Variants in GRID2 observed in about 807,000 individuals in gnomAD.
The protein encoded by GRID2 is glutamate receptor ionotropic, delta-2.
A neutral mutation model predicts 114.8 loss-of-function variants in GRID2; 33 were observed. That is an observed-to-expected ratio of 0.29 (90% CI 0.22 to 0.38). The LOEUF is 0.38. Among genes scored for constraint, GRID2 ranks in the 10% least tolerant of loss-of-function variants. The probability of loss-of-function intolerance (pLI) is 1.00; values close to 1 mark genes in which losing one functional copy is unlikely to be tolerated. For synonymous variants in GRID2, 505 were observed against 449.9 expected (o/e 1.12, Z -1.55); for missense variants, 1,184 against 1,257.7 (o/e 0.94, Z 0.89).
intron 4 of GRID2, among the ~76,000 whole-genome samples, chr4:93,137,520 C>T (rs959714460): frequency 5.3e-5 from 8 of 152,000 alleles, no homozygotes; most frequent in Admixed American, 4.6e-4. Context: ...CAAGCAATGT[C>T]ATATCTATTT....
At chr4:93,762,832 G>A (rs1733326426) in intron 14 of GRID2, among the ~76,000 whole-genome samples, 1 of 152,042 alleles carries the variant, frequency 6.6e-6, no homozygotes, top group Non-Finnish European at 1.5e-5. Flanking sequence ...CGGGGTTAGA[G>A]CATATGGACC....
chr4:93,177,199 G>A (rs1739426553), intron 4 of GRID2, among the ~76,000 whole-genome samples: 1 of 152,034 alleles, frequency 6.6e-6, no homozygotes, highest in Non-Finnish European at 1.5e-5. Flanking sequence ...CTTCTATTCT[G>A]TGGCAAAGTG....
rs903233218 is a variant in GRID2, at chr4:92,482,033, T to A, written c.89-108098T>A. ...ATATATATATATATATATATATATATAAAATAACAATACAAGCTTATAGCT... is the reference window on the plus strand; with the variant it reads ...ATATATATATATATATATATATATAAAAAATAACAATACAAGCTTATAGCT... On this transcript the variant is annotated intron_variant, in intron 1 of 15. Transcript: ENST00000282020. Among the ~76,000 whole-genome samples, 275 of 55,830 alleles carry A rather than the reference T, an allele frequency of 4.9e-3. 2 individuals are homozygous for A. Among genetic ancestry groups the A allele is most frequent in the South Asian group, 0.01 (18 of 1,734 alleles). The allele number at this position is 55,830 out of a possible 152,430, so 36.6% of individuals were successfully genotyped here.
intron 2 of GRID2, among the ~76,000 whole-genome samples, chr4:92,924,867 T>C (rs565919015): frequency 6.6e-6 from 1 of 152,164 alleles, no homozygotes; most frequent in South Asian, 2.1e-4. Flanking sequence ...TTGTTGTAGC[T>C]TCATCATATT....
intron 2 of GRID2, among the ~76,000 whole-genome samples, chr4:92,960,986 C>T (rs1752758461): frequency 6.6e-6 from 1 of 151,864 alleles, no homozygotes; most frequent in African/African-American, 2.4e-5. Flanking sequence ...TAATCCAAGT[C>T]CACCTTCAAG....
Position 93,134,889 on chromosome 4 carries a change from T to C in GRID2, c.735+23936T>C, listed in dbSNP as rs1004754118. Among the ~76,000 whole-genome samples the C allele has an allele frequency of 3.4e-4, 52 of 152,092 alleles. 1 individual carries two copies. Among genetic ancestry groups the C allele is most frequent in the African/African-American group, 1.2e-3 (51 of 41,438 alleles). On this transcript the variant is annotated intron_variant, in intron 4 of 15. Coordinates refer to ENST00000282020, the MANE Select transcript of GRID2 (RefSeq NM_001510.4). ...AAATGTATGCCTCGTTGCCCCTCGC[T>C]GTTTGGCGTATTGAAACTTGCCTAT...
At chr4:92,477,192 C>A (rs1428257749) in intron 1 of GRID2, among the ~76,000 whole-genome samples, 1 of 151,808 alleles carries the variant, frequency 6.6e-6, no homozygotes, top group Non-Finnish European at 1.5e-5. Flanking sequence ...CACTTGAAAA[C>A]TCTAGCACAA....
At chr4:93,243,816 G>A (rs6815757) in intron 8 of GRID2, among the ~76,000 whole-genome samples, 87,033 of 151,738 alleles carry the variant, frequency 0.57, 25,504 homozygotes, top group Middle Eastern at 0.73. Context: ...TACTTATTTA[G>A]CAGATGGTAT....
intron 2 of GRID2, among the ~76,000 whole-genome samples, chr4:93,081,559 A>G (rs913362948): frequency 3.9e-5 from 6 of 152,166 alleles, no homozygotes; most frequent in African/African-American, 1.2e-4. Flanking sequence ...GCAGGCTCCA[A>G]ACATCTTTGG....
chr4:93,449,042 A>C (rs959999120), intron 10 of GRID2, among the ~76,000 whole-genome samples: 1 of 134,162 alleles, frequency 7.5e-6, no homozygotes, highest in Non-Finnish European at 1.6e-5. Flanking sequence ...TTCCTTTAGC[A>C]TTTCTTCAAT....
At position 93,327,155 on chromosome 4, in the gene GRID2, T is replaced by C. The variant is rs939203234; in HGVS notation, c.1246-68452T>C. ...CTTATTCAGTATGGTTTTTTAAATG[T>C]CATCTTTATATGCTGGTGACTTCCA... On this transcript the variant is annotated intron_variant, in intron 8 of 15. Coordinates refer to ENST00000282020, the MANE Select transcript of GRID2 (RefSeq NM_001510.4). Among the ~76,000 whole-genome samples the C allele has an allele frequency of 7.2e-5, 11 of 152,162 alleles. 1 individual carries two copies. Among genetic ancestry groups the C allele is most frequent in the African/African-American group, 2.7e-4 (11 of 41,458 alleles).
Position 92,321,673 on chromosome 4 carries a change from G to A in GRID2, c.88+16929G>A, listed in dbSNP as rs570282690. The stretch of plus-strand genomic sequence containing the variant: ...AGCATCTTTTTCTTGCTCCCAGGCA[G>A]TCTAATGAATATCAAGGTAGATTAA... On this transcript the variant is annotated intron_variant, in intron 1 of 15. Transcript: ENST00000282020. Among the ~76,000 whole-genome samples, 16 of 152,250 alleles carry A rather than the reference G, an allele frequency of 1.1e-4. 1 individual carries two copies. The South Asian group carries it at 3.3e-3, about 32-fold the overall frequency.
chr4:93,736,809 T>G (rs943091438), intron 14 of GRID2, among the ~76,000 whole-genome samples: 4 of 41,580 alleles, frequency 9.6e-5, no homozygotes, highest in Admixed American at 5.3e-4. Flanking sequence ...ATGGCTCCAA[T>G]TTTTTTTTGT....
Position 93,225,015 on chromosome 4 carries a change from C to G in GRID2, c.1125+240C>G, listed in dbSNP as rs145078315. Among the ~76,000 whole-genome samples, 1,315 of 152,024 alleles carry G rather than the reference C, an allele frequency of 8.6e-3. 19 individuals carry two copies. The highest frequency in any genetic ancestry group is 0.03 in the African/African-American group (1,256 of 41,476). On this transcript the variant is annotated intron_variant, in intron 7 of 15. Coordinates refer to ENST00000282020, the MANE Select transcript of GRID2 (RefSeq NM_001510.4). Reference sequence around the variant, plus strand: ...AAAAAAATTGTGGTTGAGATATACCCACTTGACTATGTCATTAGCATTAGA... The same window carrying G: ...AAAAAAATTGTGGTTGAGATATACCGACTTGACTATGTCATTAGCATTAGA...
chr4:93,787,826 C>A (rs957515521), intron 1 of GRID2, among the ~76,000 whole-genome samples: 2 of 152,054 alleles, frequency 1.3e-5, no homozygotes, highest in African/African-American at 4.8e-5. Flanking sequence ...CATGTATTTA[C>A]TAATTACTGG....
chr4:92,484,451 A>G (rs955786335), intron 1 of GRID2, among the ~76,000 whole-genome samples: 1 of 152,176 alleles, frequency 6.6e-6, no homozygotes, highest in Non-Finnish European at 1.5e-5. Context: ...GGAATTGTGA[A>G]TATTAATTAA....
At chr4:93,047,532 T>A (rs1234187663) in intron 2 of GRID2, among the ~76,000 whole-genome samples, 1 of 152,098 alleles carries the variant, frequency 6.6e-6, no homozygotes, top group Non-Finnish European at 1.5e-5. Flanking sequence ...CATCCTTTTT[T>A]TTTACTGTAT....
At chr4:92,595,971 C>G (rs543905162) in intron 2 of GRID2, among the ~76,000 whole-genome samples, 181 of 151,982 alleles carry the variant, frequency 1.2e-3, no homozygotes, top group African/African-American at 4.2e-3. Context: ...ATTTATTTGC[C>G]CACTGCTTTA....
chr4:93,755,096 A>C (rs910938595), intron 14 of GRID2, among the ~76,000 whole-genome samples: 1 of 152,220 alleles, frequency 6.6e-6, no homozygotes, highest in Non-Finnish European at 1.5e-5. Flanking sequence ...TGGTGCAAGT[A>C]ACATCCCTTT....
Sources: allele counts gnomAD v4.1 joint callset (sites outside exome capture counted in the v4.1 genomes callset), GRCh38; gene constraint gnomAD v4.1.1; transcripts MANE v1.5; gene names NCBI Gene and HGNC (gene_info 2026-07-23, HGNC 2026-07-21).